Variants in LZTFL1 observed in about 807,000 individuals in gnomAD.
LZTFL1 encodes the protein leucine zipper transcription factor like 1.
LZTFL1 carries 25 observed loss-of-function variants against 45.9 expected under a neutral mutation model. The observed-to-expected ratio is 0.54, with a 90% CI of 0.40 to 0.76. The LOEUF (loss-of-function observed/expected upper bound fraction) is 0.76, where lower values mean the gene tolerates loss of function less well. Ranked by LOEUF, LZTFL1 falls within the 30% of genes least tolerant of loss-of-function variation. The pLI, the probability that LZTFL1 is intolerant of heterozygous loss-of-function variation, is 0.00. For synonymous variants in LZTFL1, 93 were observed against 117.4 expected, an observed-to-expected ratio of 0.79 and a Z score of 1.35; for missense variants, 277 against 331.1, an observed-to-expected ratio of 0.84 and a Z score of 1.27.
chr3:45,901,507 C>A lies in LZTFL1; in HGVS notation c.-215+11613G>T. On this transcript the variant is annotated intron_variant, in intron 2 of 4. Coordinates refer to the LZTFL1 transcript ENST00000472635. This position sits in a 1 kb window ranked among gnomAD's most constrained non-coding sequence, Gnocchi z 4.3. Reference sequence around the variant, plus strand: ...TGCTGCTATACCATCATCATTCACACCCTGATACAAGCCAAGAAGTCTTCC... The same window carrying A: ...TGCTGCTATACCATCATCATTCACAACCTGATACAAGCCAAGAAGTCTTCC... The A allele has an allele frequency of 6.2e-7, 1 of 1,614,188 alleles. No homozygotes were observed. Among genetic ancestry groups the A allele is most frequent in the Non-Finnish European group, 8.5e-7 (1 of 1,180,018 alleles).
chr3:45,854,973 C>G, intron 4 of LZTFL1: 1 of 1,515,060 alleles, frequency 6.6e-7, no homozygotes, highest in Non-Finnish European at 8.9e-7. Context: ...GTCAGATGCG[C>G]TTGTCAACTT....
chr3:45,834,325 T>A, intron 3 of LZTFL1, 27 bp from the exon 4 acceptor site: 1 of 1,430,974 alleles, frequency 7.0e-7, no homozygotes, highest in Non-Finnish European at 9.8e-7. Flanking sequence ...AAGATAAAAA[T>A]TATTCATTTA....
In LZTFL1 at chr3:45,835,694, G is replaced by A; in HGVS notation, c.219C>T (p.Leu73=). The A allele has an allele frequency of 6.2e-7, 1 of 1,614,104 alleles. No individual in the cohort carries two copies. Among genetic ancestry groups the A allele is most frequent in the Non-Finnish European group, 8.5e-7 (1 of 1,179,958 alleles). ...AVVHSEVESE[L]INTAYTNVLL... is the part of the protein sequence containing the mutation. ...ACACATTGGTATAGGCAGTGTTGAT[G>A]AGCTCAGATTCCACCTCACTATGAA... Residue 73 remains leucine (L), a synonymous_variant, in exon 3 of 10, where the codon CTC becomes CTT. Transcript: ENST00000296135.
chr3:45,828,755 G>A lies in LZTFL1; in HGVS notation c.601-140C>T, dbSNP rs571144144. On this transcript the variant is annotated intron_variant, in intron 7 of 9. Transcript: ENST00000296135. ...ATGCCAGCCTCCCTTGCCAGCCTAG[G>A]TAAGTGCCAGCCCCTTCAGAGTCAC... 1.1e-5 allele frequency: 8 copies of A among 717,190 alleles called. No individual in the cohort carries two copies. The East Asian group carries it at 1.6e-4, about 15-fold the overall frequency. The allele number at this position is 717,190 out of a possible 1,614,324, so 44.4% of individuals were successfully genotyped here. A position where few individuals can be genotyped will look rare whatever the true frequency, so the allele number is the denominator to read the frequency against.
Position 45,823,582 on chromosome 3 carries a change from C to A in LZTFL1, c.*2732G>T, listed in dbSNP as rs1700595038. On this transcript the variant is annotated 3_prime_UTR_variant, in exon 10 of 10. Coordinates refer to ENST00000296135, the MANE Select transcript of LZTFL1 (RefSeq NM_020347.4). ...CCTCTATTCAAGACAGAGGTCATTA[C>A]CTTTAAGTATAATATTTCCCCTTTT... The A allele has an allele frequency of 6.6e-6, 1 of 152,198 alleles. No homozygotes were observed. Among genetic ancestry groups the A allele is most frequent in the South Asian group, 2.1e-4 (1 of 4,830 alleles). The allele number at this position is 152,198 out of a possible 1,614,324, so 9.4% of individuals were successfully genotyped here.
At chr3:45,867,351 A>C (rs1028495709) in intron 2 of LZTFL1, among the ~76,000 whole-genome samples, 1 of 152,124 alleles carries the variant, frequency 6.6e-6, no homozygotes, top group Admixed American at 6.5e-5. Context: ...GTAAACTTGT[A>C]ATGATGGGCA....
chr3:45,900,763 T>A lies in LZTFL1; in HGVS notation c.-215+12357A>T, dbSNP rs1231968563. 1 of 1,563,586 alleles carries A rather than the reference T, an allele frequency of 6.4e-7. No homozygotes were observed. The highest frequency in any genetic ancestry group is 1.3e-5 in the African/African-American group (1 of 74,078). On this transcript the variant is annotated intron_variant, in intron 2 of 4. Coordinates refer to the LZTFL1 transcript ENST00000472635. The surrounding 1 kb of genome is among the most constrained non-coding windows in gnomAD (Gnocchi z 4.7). ...CATGCCTCTGCCATCAGACAGGACCTTCAAAATATTTTCCTTGACCTAATG... is the reference window on the plus strand; with the variant it reads ...CATGCCTCTGCCATCAGACAGGACCATCAAAATATTTTCCTTGACCTAATG...
At chr3:45,834,636 T>C (rs572302182) in intron 3 of LZTFL1, 1 of 172,410 alleles carries the variant, frequency 5.8e-6, no homozygotes, top group East Asian at 1.5e-4. Flanking sequence ...TATTACATAA[T>C]GTGTATTGTT....
chr3:45,892,119 T>C (rs759308159), intron 2 of LZTFL1, among the ~76,000 whole-genome samples: 1 of 152,184 alleles, frequency 6.6e-6, no homozygotes, highest in Non-Finnish European at 1.5e-5. Flanking sequence ...AATTATGCTG[T>C]GTATCATTGC....
intron 1 of LZTFL1, among the ~76,000 whole-genome samples, chr3:45,840,291 AG>A (rs1701074290): frequency 6.6e-6 from 1 of 152,264 alleles, no homozygotes; most frequent in Non-Finnish European, 1.5e-5. Context: ...AAATAGCATC[AG>A]CCTAGGAAAC....
chr3:45,830,824 T>C (rs1310218996), intron 7 of LZTFL1, 89 bp downstream of exon 7: 6 of 1,084,190 alleles, frequency 5.5e-6, no homozygotes, highest in Non-Finnish European at 6.9e-6. Flanking sequence ...AGGGGTGGGG[T>C]ACAGTGAGCA....
chr3:45,858,697 A>G (rs1701433109), intron 3 of LZTFL1, among the ~76,000 whole-genome samples: 1 of 152,222 alleles, frequency 6.6e-6, no homozygotes, highest in South Asian at 2.1e-4. Context: ...TCCAAAAGAG[A>G]AAGATAGAGA....
chr3:45,889,301 CT>C (rs1428595548), intron 2 of LZTFL1, among the ~76,000 whole-genome samples: 17 of 148,794 alleles, frequency 1.1e-4, no homozygotes, highest in Non-Finnish European at 1.8e-4. Flanking sequence ...TATATATTAC[CT>C]TTAAAAAAAA....
intron 2 of LZTFL1, among the ~76,000 whole-genome samples, chr3:45,874,327 T>C (rs1389358670): frequency 6.6e-6 from 1 of 152,200 alleles, no homozygotes; most frequent in Admixed American, 6.5e-5. Flanking sequence ...TTTGATGTTA[T>C]ACTATGTTGC....
chr3:45,835,253 T>C (rs575345942), intron 3 of LZTFL1: 6 of 198,614 alleles, frequency 3.0e-5, no homozygotes, highest in South Asian at 1.3e-4. Flanking sequence ...AACTGTCTCA[T>C]AATCTCTATT....
intron 2 of LZTFL1, among the ~76,000 whole-genome samples, chr3:45,897,296 T>A (rs746005149): frequency 5.3e-5 from 8 of 152,070 alleles, no homozygotes; most frequent in Non-Finnish European, 4.4e-5. Context: ...AAATCTAGAT[T>A]TGGGGTGTAA....
chr3:45,913,245 C>A, intron 1 of LZTFL1: 2 of 1,109,284 alleles, frequency 1.8e-6, no homozygotes, highest in Non-Finnish European at 2.6e-6. Flanking sequence ...ACCAGTGCTG[C>A]AATGAGCTGA....
At chr3:45,882,201 G>C (rs1701873332) in intron 2 of LZTFL1, among the ~76,000 whole-genome samples, 1 of 152,168 alleles carries the variant, frequency 6.6e-6, no homozygotes, top group African/African-American at 2.4e-5. Flanking sequence ...TTCAACCATG[G>C]CCAGTATCCA....
intron 1 of LZTFL1, among the ~76,000 whole-genome samples, chr3:45,838,620 G>C (rs1701025367): frequency 6.6e-6 from 1 of 152,228 alleles, no homozygotes; most frequent in Non-Finnish European, 1.5e-5. Flanking sequence ...GATTTGGAAA[G>C]AACCACTAAC....
Sources: gnomAD v4.1 joint callset for allele counts (sites outside exome capture counted in the v4.1 genomes callset) on GRCh38, gnomAD v4.1.1 for gene constraint, Gnocchi (gnomAD v3.1) non-coding constraint, MANE v1.5 for transcripts, NCBI Gene and HGNC (gene_info 2026-07-23, HGNC 2026-07-21) for gene names.